FGR: variants seen among roughly 807,000 people sequenced by gnomAD.
FGR encodes the protein tyrosine-protein kinase Fgr.
FGR carries 26 observed loss-of-function variants against 63.2 expected under a neutral mutation model. The ratio of observed to expected loss-of-function variants is 0.41; its 90% CI spans 0.30 to 0.57. The LOEUF (loss-of-function observed/expected upper bound fraction) is 0.57, where lower values mean the gene tolerates loss of function less well. FGR is among the 20% of genes least tolerant of loss of function. The pLI is 0.27. For synonymous variants in FGR, 286 were observed against 277.7 expected, an observed-to-expected ratio of 1.03 and a Z score of -0.30; for missense variants, 511 against 690.8, an observed-to-expected ratio of 0.74 and a Z score of 2.92.
Position 27,614,451 on chromosome 1 carries a change from C to G in FGR, c.1228G>C (p.Asp410His). Residue 410 changes from aspartate to histidine, a missense_variant, in exon 11 of 13, where the codon GAT (aspartate) becomes CAT (histidine). By Grantham distance (81) the Asp-to-His change is moderately conservative (BLOSUM62 -1). Coordinates refer to ENST00000374005, the MANE Select transcript of FGR (RefSeq NM_005248.3). Reference sequence around the variant, plus strand: ...GCACCTTGGCAGGGGTTGTACTCATCGTCCTTGATGAGACGCGCCAAGCCA... The same window carrying G: ...GCACCTTGGCAGGGGTTGTACTCATGGTCCTTGATGAGACGCGCCAAGCCA... The part of the protein sequence containing the change: ...DFGLARLIKD[D>H]EYNPCQGSKF... 1 of 1,613,348 alleles carries G rather than the reference C, an allele frequency of 6.2e-7. No individual in the cohort carries two copies. The highest frequency in any genetic ancestry group is 8.5e-7 in the Non-Finnish European group (1 of 1,179,666).
At position 27,612,938 on chromosome 1, in the gene FGR, C is replaced by T. The variant is rs1416861847; in HGVS notation, c.1566G>A (p.Gln522=). 3.1e-6 allele frequency: 5 copies of T among 1,614,080 alleles called. No homozygotes were observed. Among genetic ancestry groups the T allele is most frequent in the Non-Finnish European group, 4.2e-6 (5 of 1,180,002 alleles). ...LEDYFTSAEP[Q]YQPGDQT ...GCTATGTCTGATCCCCGGGCTGGTA[C>T]TGTGGTTCAGCGGAGGTGAAGTAGT... The change falls in exon 13 of 13, where the codon CAG becomes CAA. Residue 522 remains glutamine (Q), a synonymous_variant. Transcript: ENST00000374005.
intron 4 of FGR, among the ~76,000 whole-genome samples, chr1:27,622,034 A>G (rs999064937): frequency 1.3e-5 from 2 of 152,108 alleles, no homozygotes; most frequent in Non-Finnish European, 2.9e-5. Flanking sequence ...GACAGAGACC[A>G]GGTGTGGTGG....
chr1:27,631,392 A>C (rs1186904031), intron 1 of FGR, among the ~76,000 whole-genome samples: 2 of 152,116 alleles, frequency 1.3e-5, no homozygotes, highest in African/African-American at 4.8e-5. Context: ...CACACTTCCC[A>C]AAGCTATGCC....
In FGR at chr1:27,617,128, C is replaced by G. The variant is rs2089828650; in HGVS notation, c.532+65G>C. The G allele has an allele frequency of 1.9e-6, 3 of 1,595,996 alleles. No homozygotes were observed. The highest frequency in any genetic ancestry group is 2.7e-5 in the African/African-American group (2 of 74,634). ...TCTTGGCCTTAACCCAAGCAGCCTA[C>G]CGCTCCTAGCCCTACCCCAATGGCT... On this transcript the variant is annotated intron_variant, in intron 6 of 12. Coordinates refer to ENST00000374005, the MANE Select transcript of FGR (RefSeq NM_005248.3). This position sits in a 1 kb window ranked among gnomAD's most constrained non-coding sequence, Gnocchi z 4.5.
intron 1 of FGR, among the ~76,000 whole-genome samples, chr1:27,630,361 A>G (rs1006731508): frequency 6.6e-6 from 1 of 151,906 alleles, no homozygotes; most frequent in Non-Finnish European, 1.5e-5. Context: ...CCTTTTTTGC[A>G]ATTTTTTAAA....
chr1:27,623,474 C>T, intron 3 of FGR: 1 of 630,104 alleles, frequency 1.6e-6, no homozygotes, highest in Non-Finnish European at 2.8e-6. Context: ...GATCCTGCCC[C>T]TCTCAGACTG....
intron 1 of FGR, among the ~76,000 whole-genome samples, chr1:27,631,156 G>T (rs1051285875): frequency 6.6e-6 from 1 of 152,298 alleles, no homozygotes; most frequent in East Asian, 1.9e-4. Context: ...TCAAAGTCAG[G>T]ACTATTAATT....
chr1:27,623,353 A>C (rs2089964597), intron 3 of FGR: 2 of 599,416 alleles, frequency 3.3e-6, no homozygotes, highest in Admixed American at 2.9e-5. Context: ...CCCACCATGG[A>C]GGATCCCCTT....
chr1:27,623,633 C>T (rs1261766820), intron 3 of FGR, 58 bp downstream of exon 3: 1 of 1,569,248 alleles, frequency 6.4e-7, no homozygotes, highest in African/African-American at 1.4e-5. Context: ...ATCTCTTCTT[C>T]TTCCCTCAGT....
At chr1:27,626,331 A>C (rs940728692) in intron 1 of FGR, 1 of 397,658 alleles carries the variant, frequency 2.5e-6, no homozygotes, top group Non-Finnish European at 4.4e-6. Context: ...GATTTGCCCC[A>C]GAGGGGCCCC....
At chr1:27,620,021 T>A (rs2089890433) in intron 5 of FGR, among the ~76,000 whole-genome samples, 1 of 152,056 alleles carries the variant, frequency 6.6e-6, no homozygotes, top group African/African-American at 2.4e-5. Context: ...ATGGGAACAA[T>A]AATAATATCA....
At chr1:27,632,086 C>A (rs1457532465) in intron 1 of FGR, among the ~76,000 whole-genome samples, 2 of 151,876 alleles carry the variant, frequency 1.3e-5, no homozygotes, top group African/African-American at 4.8e-5. Context: ...CTGAGGCCCC[C>A]ACTGCTCATT....
At chr1:27,619,678 C>A (rs2089883967) in intron 5 of FGR, among the ~76,000 whole-genome samples, 1 of 152,250 alleles carries the variant, frequency 6.6e-6, no homozygotes. Context: ...GCCTGCCATA[C>A]AAAGCACAAC....
chr1:27,623,551 T>C (rs1398038451), intron 3 of FGR, 140 bp downstream of exon 3: 5 of 861,884 alleles, frequency 5.8e-6, no homozygotes, highest in Non-Finnish European at 9.5e-6. Context: ...ACAGACTCCC[T>C]CAGCCCATGT....
At chr1:27,624,030 C>T (rs2089977583) in intron 2 of FGR, 101 bp from the exon 3 acceptor site, 1 of 1,036,118 alleles carries the variant, frequency 9.7e-7, no homozygotes, top group Non-Finnish European at 1.4e-6. Context: ...AGGCACGTGG[C>T]TTTCCCTCTT....
chr1:27,613,343 C>G lies in FGR; in HGVS notation c.1257G>C (p.Lys419Asn). The change falls in exon 12 of 13, where the codon AAG (lysine) becomes AAC (asparagine). Residue 419 changes from lysine to asparagine, a missense_variant. Physicochemically the swap from Lys to Asn is moderately conservative, Grantham distance 94. Transcript: ENST00000374005. ...DDEYNPCQGS[K>N]FPIKWTAPEA... ...CTGGGGCTGTCCACTTGATGGGGAA[C>G]TTGGAACCTGGAGAAGATGGGGGAG... 1 of 1,613,866 alleles carries G rather than the reference C, an allele frequency of 6.2e-7. No homozygotes were observed. Among genetic ancestry groups the G allele is most frequent in the Non-Finnish European group, 8.5e-7 (1 of 1,179,902 alleles).
intron 2 of FGR, among the ~76,000 whole-genome samples, chr1:27,624,396 C>A (rs1487375060): frequency 6.6e-6 from 1 of 152,146 alleles, no homozygotes; most frequent in Admixed American, 6.5e-5. Flanking sequence ...GCCAGTACCC[C>A]TGGCTAATTT....
Position 27,621,638 on chromosome 1 carries a change from C to T in FGR, c.349G>A (p.Ala117Thr). Reference sequence around the variant, plus strand: ...GTTTTTCCGGAGCTGAGAGACCGAGCCTCCCACCAGTCACCTTCACTGTAG... The same window carrying T: ...GTTTTTCCGGAGCTGAGAGACCGAGTCTCCCACCAGTCACCTTCACTGTAG... ...LNNTEGDWWEARSLSSGKTGC... is the reference protein window; with the variant it reads ...LNNTEGDWWETRSLSSGKTGC... Residue 117 changes from alanine (A) to threonine (T), a missense_variant, in exon 5 of 13, where the codon GCT becomes ACT. Coordinates refer to ENST00000374005, the MANE Select transcript of FGR (RefSeq NM_005248.3). The T allele has an allele frequency of 6.2e-7, 1 of 1,613,812 alleles. No homozygotes were observed.
chr1:27,614,649 G>A, intron 10 of FGR, 66 bp from the exon 11 acceptor site: 2 of 1,576,224 alleles, frequency 1.3e-6, no homozygotes, highest in East Asian at 2.3e-5. Context: ...CCTGTTTGAG[G>A]GGTGAGGGAC....
Sources: gnomAD v4.1 joint callset for allele counts (sites outside exome capture counted in the v4.1 genomes callset) on GRCh38, gnomAD v4.1.1 for gene constraint, Gnocchi (gnomAD v3.1) non-coding constraint, MANE v1.5 for transcripts, NCBI Gene and HGNC (gene_info 2026-07-23, HGNC 2026-07-21) for gene names.